The following VWF variants were observed in gnomAD, a reference collection of about 807,000 sequenced individuals.
VWF encodes von Willebrand factor.
A neutral mutation model predicts 308.6 loss-of-function variants in VWF; 176 were observed. The ratio of observed to expected loss-of-function variants is 0.57; its 90% CI spans 0.50 to 0.65. The LOEUF (loss-of-function observed/expected upper bound fraction) is 0.65. Among genes scored for constraint, VWF ranks in the 30% least tolerant of loss-of-function variants. The probability of loss-of-function intolerance (pLI) is 0.00; values close to 1 mark genes in which losing one functional copy is unlikely to be tolerated. For missense variants in VWF, 3,146 were observed against 3,648.2 expected (o/e 0.86, Z 3.55); for synonymous variants, 1,385 against 1,443.4 (o/e 0.96, Z 0.92).
intron 28 of VWF, 47 bp downstream of exon 28, chr12:6,018,318 C>T (rs1390762666): frequency 4.4e-6 from 7 of 1,579,790 alleles, no homozygotes; most frequent in Non-Finnish European, 6.0e-6. Context: ...CAAGGCCATG[C>T]CAGCCCTCGC....
chr12:6,048,909 G>A (rs1172395508), intron 16 of VWF, among the ~76,000 whole-genome samples: 1 of 152,190 alleles, frequency 6.6e-6, no homozygotes, highest in Non-Finnish European at 1.5e-5. Flanking sequence ...TTTTAAGGGA[G>A]AAAATTCCAC....
chr12:6,004,798 T>C (rs967796476), intron 34 of VWF, among the ~76,000 whole-genome samples: 14 of 151,874 alleles, frequency 9.2e-5, no homozygotes, highest in East Asian at 1.9e-4. Context: ...AAGAACATAA[T>C]GGAGAAGAAA....
chr12:6,072,690 C>T (rs1006188792), intron 8 of VWF, among the ~76,000 whole-genome samples: 3 of 152,126 alleles, frequency 2.0e-5, no homozygotes, highest in Admixed American at 1.3e-4. Context: ...CAAGTCTGGG[C>T]TTAGGGCTTC....
chr12:5,976,039 C>T (rs1188634975), intron 43 of VWF, 72 bp downstream of exon 43: 4 of 1,604,588 alleles, frequency 2.5e-6, no homozygotes, highest in Non-Finnish European at 3.4e-6. Context: ...CCTTTCTTAC[C>T]CTTCCTAAGA....
rs575601321 is a variant in VWF, at chr12:6,058,015, G to A, written c.1563C>T (p.Cys521=). ...KLSPVYAGKT[C]GLCGNYNGNQ... Reference sequence around the variant, plus strand: ...TGCCATTGTAATTCCCACACAGGCCGCAGGTCTTCCCGGCATAGACGGGGG... The same window carrying A: ...TGCCATTGTAATTCCCACACAGGCCACAGGTCTTCCCGGCATAGACGGGGG... The change falls in exon 14 of 52, where the codon TGC becomes TGT. Residue 521 remains cysteine, a synonymous_variant. Coordinates refer to ENST00000261405, the MANE Select transcript of VWF (RefSeq NM_000552.5). This position sits in a 1 kb window ranked among gnomAD's most constrained non-coding sequence, Gnocchi z 4.9. The A allele has an allele frequency of 2.0e-4, 324 of 1,613,302 alleles. 1 individual carries two copies. The African/African-American group carries it at 4.1e-3, about 20-fold the overall frequency.
chr12:6,006,595 T>C (rs1265244100), intron 34 of VWF, among the ~76,000 whole-genome samples: 2 of 152,054 alleles, frequency 1.3e-5, no homozygotes, highest in Non-Finnish European at 2.9e-5. Context: ...CTGGCTAACA[T>C]GGTGAAACCC....
chr12:6,016,149 G>C lies in VWF; in HGVS notation c.5395C>G (p.Leu1799Val). Residue 1799 changes from leucine (L) to valine (V), a missense_variant, in exon 31 of 52, where the codon CTG (leucine) becomes GTG (valine). Leu to Val is a conservative substitution (Grantham distance 32, BLOSUM62 1). Coordinates refer to ENST00000261405, the MANE Select transcript of VWF (RefSeq NM_000552.5). ...GAATCCACAGAGACGTCCGTGACCA[G>C]GATGACCACCGCCTTTGAGGCTCCC... ...RPGASKAVVI[L>V]VTDVSVDSVD... 2 of 1,614,150 alleles carry C rather than the reference G, an allele frequency of 1.2e-6. No individual in the cohort carries two copies. Among genetic ancestry groups the C allele is most frequent in the Non-Finnish European group, 1.7e-6 (2 of 1,180,030 alleles).
At chr12:5,984,760 A>G (rs2058473) in intron 40 of VWF, among the ~76,000 whole-genome samples, 40,130 of 152,222 alleles carry the variant, frequency 0.26, 6,569 homozygotes, top group Non-Finnish European at 0.35. Context: ...TTGCTTTGGC[A>G]TGACCTTTTC....
chr12:6,121,426 G>T, intron 2 of VWF, 88 bp from the exon 3 acceptor site: 2 of 1,503,888 alleles, frequency 1.3e-6, no homozygotes, highest in Non-Finnish European at 9.1e-7. Flanking sequence ...GTAGAAATTA[G>T]ACTGCCTCTG....
At chr12:5,988,899 C>T (rs1052053871) in intron 38 of VWF, among the ~76,000 whole-genome samples, 1 of 152,162 alleles carries the variant, frequency 6.6e-6, no homozygotes, top group African/African-American at 2.4e-5. Context: ...GACAAAAGAT[C>T]GGCCTGCAGA....
intron 6 of VWF, among the ~76,000 whole-genome samples, chr12:6,094,144 C>T (rs1227680516): frequency 6.6e-6 from 1 of 152,224 alleles, no homozygotes; most frequent in Non-Finnish European, 1.5e-5. Flanking sequence ...GCAAAGCCAG[C>T]CAACACCTTG....
chr12:6,119,057 G>C (rs1945402098), intron 3 of VWF, among the ~76,000 whole-genome samples: 1 of 152,192 alleles, frequency 6.6e-6, no homozygotes, highest in Admixed American at 6.5e-5. Context: ...TCCTTTTCAG[G>C]ACCATCTTGG....
At chr12:6,057,346 G>A (rs761735545) in intron 14 of VWF, among the ~76,000 whole-genome samples, 234 of 129,300 alleles carry the variant, frequency 1.8e-3, no homozygotes, top group Non-Finnish European at 3.1e-3. Flanking sequence ...ACACGGTCTT[G>A]CTCTGTCGCC....
intron 3 of VWF, among the ~76,000 whole-genome samples, chr12:6,112,682 G>T (rs113404207): frequency 0.042 from 6,398 of 152,222 alleles, 187 homozygotes; most frequent in Non-Finnish European, 0.066. Flanking sequence ...AGACCTGGCA[G>T]GTCTGTTGAC....
chr12:5,979,467 C>T (rs543537480), intron 42 of VWF, among the ~76,000 whole-genome samples: 1 of 152,330 alleles, frequency 6.6e-6, no homozygotes, highest in East Asian at 1.9e-4. Context: ...AGTGGGATAG[C>T]TGGGCCAGGC....
In VWF at chr12:5,969,375, G is replaced by C; in HGVS notation, c.7565C>G (p.Ala2522Gly). 1 of 1,614,226 alleles carries C rather than the reference G, an allele frequency of 6.2e-7. No homozygotes were observed. The highest frequency in any genetic ancestry group is 8.5e-7 in the Non-Finnish European group (1 of 1,180,042). The change falls in exon 45 of 52, where the codon GCC (alanine) becomes GGC (glycine). Residue 2522 changes from alanine (A) to glycine (G), a missense_variant. Ala to Gly is a moderately conservative substitution (Grantham distance 60). Around this residue, in one of 3 missense-constraint regions of VWF, gnomAD observed 989 missense variants for 1,117.4 expected, o/e 0.89. Coordinates refer to ENST00000261405, the MANE Select transcript of VWF (RefSeq NM_000552.5). The part of the protein sequence containing the change: ...SSWKSVGSQW[A>G]SPENPCLINE... ...GATGAGGCAGGGGTTCTCCGGGGAG[G>C]CCCACTGGGAGCCGACCTGCAGGGC...
intron 3 of VWF, among the ~76,000 whole-genome samples, chr12:6,114,995 C>T (rs1945347270): frequency 2.6e-5 from 4 of 152,200 alleles, no homozygotes. Context: ...GCTTGAAGAG[C>T]AGTCAGTCCA....
intron 47 of VWF, 30 bp downstream of exon 47, chr12:5,967,456 T>C: frequency 6.2e-7 from 1 of 1,601,962 alleles, no homozygotes; most frequent in South Asian, 1.1e-5. Context: ...GTCCAGTCCA[T>C]GCCCTCGGTC....
At chr12:5,989,074 C>T (rs1255488280) in intron 38 of VWF, among the ~76,000 whole-genome samples, 1 of 152,148 alleles carries the variant, frequency 6.6e-6, no homozygotes, top group Non-Finnish European at 1.5e-5. Context: ...GGGAAGGAGG[C>T]TACGGGCCAG....
Sources: gnomAD v4.1 joint callset for allele counts (sites outside exome capture counted in the v4.1 genomes callset) on GRCh38, gnomAD v4.1.1 for gene constraint, gnomAD v4.1.1 regional missense constraint, Gnocchi (gnomAD v3.1) non-coding constraint, MANE v1.5 for transcripts, NCBI Gene and HGNC (gene_info 2026-07-23, HGNC 2026-07-21) for gene names.